The following ITPRID1 variants were observed in gnomAD, a reference collection of about 807,000 sequenced individuals.
ITPRID1 encodes ITPR interacting domain containing 1.
Under a neutral mutation model 95.4 loss-of-function variants are expected in ITPRID1, and 96 were observed. That is an observed-to-expected ratio of 1.01 (90% confidence interval 0.85 to 1.19). The LOEUF (loss-of-function observed/expected upper bound fraction) is 1.19. Ranked by LOEUF, ITPRID1 falls within the 50% of genes most tolerant of loss-of-function variation. ITPRID1 has a pLI of 0.00. For synonymous variants in ITPRID1, 510 were observed against 453.6 expected, an observed-to-expected ratio of 1.12 and a Z score of -1.58; for missense variants, 1,339 against 1,252.9, an observed-to-expected ratio of 1.07 and a Z score of -1.04.
intron 1 of ITPRID1, among the ~76,000 whole-genome samples, chr7:31,516,092 T>C (rs949282806): frequency 2.5e-4 from 38 of 152,208 alleles, no homozygotes; most frequent in African/African-American, 9.2e-4. Flanking sequence ...ATGGTATTAA[T>C]GCCCAACTTG....
At chr7:31,652,259 T>A (rs1340758989) in intron 14 of ITPRID1, among the ~76,000 whole-genome samples, 4 of 152,194 alleles carry the variant, frequency 2.6e-5, no homozygotes. Context: ...TCACCTGTCA[T>A]ACCAATCTTC....
chr7:31,637,479 G>C (rs1219639556), intron 10 of ITPRID1, among the ~76,000 whole-genome samples: 2 of 152,164 alleles, frequency 1.3e-5, no homozygotes, highest in Non-Finnish European at 2.9e-5. Context: ...GCATTTCTCT[G>C]ATGGCCAGTG....
intron 1 of ITPRID1, among the ~76,000 whole-genome samples, chr7:31,549,130 A>T (rs1205708366): frequency 6.6e-6 from 1 of 152,128 alleles, no homozygotes; most frequent in Non-Finnish European, 1.5e-5. Flanking sequence ...CACCGAGTTT[A>T]ATCAGAAATG....
intron 10 of ITPRID1, among the ~76,000 whole-genome samples, chr7:31,596,930 A>G (rs1786113848): frequency 6.6e-6 from 1 of 151,950 alleles, no homozygotes; most frequent in East Asian, 1.9e-4. Context: ...TAAAATTACC[A>G]TCTAACAAGA....
intron 10 of ITPRID1, among the ~76,000 whole-genome samples, chr7:31,612,305 G>A (rs897814127): frequency 6.6e-6 from 1 of 151,702 alleles, no homozygotes. Flanking sequence ...TTTTGTTTTT[G>A]TCTAGTGAGA....
chr7:31,551,801 G>A (rs967707118), intron 2 of ITPRID1: 2 of 337,128 alleles, frequency 5.9e-6, no homozygotes, highest in African/African-American at 4.2e-5. Flanking sequence ...TGTGATCAGT[G>A]ATTATGCATT....
In ITPRID1 at chr7:31,634,789, G is replaced by A. The variant is rs550190781; in HGVS notation, c.1229-7387G>A. 1.2e-4 allele frequency among the ~76,000 whole-genome samples: 19 copies of A among 152,338 alleles called. No homozygotes were observed. In the South Asian group the frequency reaches 2.3e-3, roughly 18 times the overall value. The stretch of plus-strand genomic sequence containing the variant: ...TGGCAATAGAATGCTTAGGTGATAA[G>A]ATCTAGCTGGAGGAAAAGGACTGGT... On this transcript the variant is annotated intron_variant, in intron 10 of 14. Coordinates refer to ENST00000615280, the MANE Select transcript of ITPRID1 (RefSeq NM_001257967.3).
intron 10 of ITPRID1, among the ~76,000 whole-genome samples, chr7:31,636,605 G>A (rs939802212): frequency 5.3e-5 from 8 of 152,136 alleles, no homozygotes; most frequent in Admixed American, 5.2e-4. Context: ...TAGTCTGGGA[G>A]TGGGAGTGAG....
intron 10 of ITPRID1, among the ~76,000 whole-genome samples, chr7:31,606,838 A>C (rs543732878): frequency 6.6e-6 from 1 of 152,084 alleles, no homozygotes; most frequent in Admixed American, 6.6e-5. Context: ...AACTCTTTCT[A>C]TGCCTTTCAA....
chr7:31,624,176 C>T (rs961351555), intron 10 of ITPRID1, among the ~76,000 whole-genome samples: 5 of 149,776 alleles, frequency 3.3e-5, no homozygotes, highest in African/African-American at 7.3e-5. Flanking sequence ...GAGTCAATAT[C>T]GTGAAAATGG....
At chr7:31,517,141 T>G (rs536482853) in intron 1 of ITPRID1, among the ~76,000 whole-genome samples, 39 of 152,310 alleles carry the variant, frequency 2.6e-4, no homozygotes, top group African/African-American at 8.2e-4. Context: ...CAGGTTTTGG[T>G]TCGGGTGGCC....
At chr7:31,592,217 C>A (rs1320410436) in intron 10 of ITPRID1, among the ~76,000 whole-genome samples, 1 of 152,112 alleles carries the variant, frequency 6.6e-6, no homozygotes, top group African/African-American at 2.4e-5. Context: ...TAAGTGAGAC[C>A]ATGGATGGAG....
At position 31,625,326 on chromosome 7, in the gene ITPRID1, T is replaced by G. The variant is rs201172974; in HGVS notation, c.1229-16850T>G. Among the ~76,000 whole-genome samples the G allele has an allele frequency of 8.2e-3, 1,245 of 152,136 alleles. 46 individuals carry two copies. Among genetic ancestry groups the G allele is most frequent in the East Asian group, 0.071 (368 of 5,178 alleles). The stretch of plus-strand genomic sequence containing the variant: ...TGCTATAAAGACACATGCACTCATA[T>G]GTTTATTGCGGCACTATTCACAATA... On this transcript the variant is annotated intron_variant, in intron 10 of 14. Coordinates refer to ENST00000615280, the MANE Select transcript of ITPRID1 (RefSeq NM_001257967.3).
At chr7:31,607,791 C>T (rs1360737469) in intron 10 of ITPRID1, among the ~76,000 whole-genome samples, 2 of 151,510 alleles carry the variant, frequency 1.3e-5, no homozygotes, top group East Asian at 3.9e-4. Context: ...TCCTCTTTCT[C>T]AAATTTTCTC....
chr7:31,607,677 AC>A (rs1786683772), intron 10 of ITPRID1, among the ~76,000 whole-genome samples: 1 of 151,978 alleles, frequency 6.6e-6, no homozygotes. Context: ...CATTTCAATC[AC>A]AACCCCATGC....
At chr7:31,623,749 T>G (rs1035284410) in intron 10 of ITPRID1, among the ~76,000 whole-genome samples, 14 of 149,722 alleles carry the variant, frequency 9.4e-5, no homozygotes, top group Non-Finnish European at 1.5e-4. Flanking sequence ...CTATTCAACA[T>G]AGTGTTGGAA....
chr7:31,548,996 G>A (rs1208154058), intron 1 of ITPRID1, among the ~76,000 whole-genome samples: 16 of 152,090 alleles, frequency 1.1e-4, no homozygotes, highest in Non-Finnish European at 2.4e-4. Context: ...TGAGATCTTA[G>A]GAAGGCCCGA....
chr7:31,649,867 T>C (rs528957358), intron 12 of ITPRID1, among the ~76,000 whole-genome samples: 2 of 152,294 alleles, frequency 1.3e-5, no homozygotes, highest in African/African-American at 4.8e-5. Context: ...CAGATTGTGT[T>C]CAGCAACTAC....
At chr7:31,642,358 G>A in intron 11 of ITPRID1, 100 bp downstream of exon 11, 1 of 801,894 alleles carries the variant, frequency 1.2e-6, no homozygotes, top group Non-Finnish European at 2.0e-6. Flanking sequence ...AGCTAACTCA[G>A]AAAGAGGGGT....
Sources: gnomAD v4.1 joint callset for allele counts (sites outside exome capture counted in the v4.1 genomes callset) on GRCh38, gnomAD v4.1.1 for gene constraint, MANE v1.5 for transcripts, NCBI Gene and HGNC (gene_info 2026-07-23, HGNC 2026-07-21) for gene names.